Variants in NIN observed in about 807,000 individuals in gnomAD.
NIN encodes the protein ninein, also known as glycogen synthase kinase 3 beta-interacting protein.
Under a neutral mutation model 257.6 loss-of-function variants are expected in NIN, and 137 were observed. The ratio of observed to expected loss-of-function variants is 0.53; its 90% CI spans 0.46 to 0.61. NIN has a LOEUF of 0.61. Ranked by LOEUF, NIN falls within the 20% of genes least tolerant of loss-of-function variation. NIN has a pLI of 0.00. For missense variants in NIN, 2,439 were observed against 2,501.2 expected (o/e 0.98, Z 0.53); for synonymous variants, 918 against 919.8 (o/e 1.00, Z 0.04).
In NIN at chr14:50,761,137, T is replaced by G. The variant is rs189928341; in HGVS notation, c.1896+653A>C. Among the ~76,000 whole-genome samples the G allele has an allele frequency of 1.8e-4, 28 of 151,694 alleles. No homozygotes were observed. In the East Asian group the frequency reaches 5.4e-3, roughly 29 times the overall value. On this transcript the variant is annotated intron_variant, in intron 16 of 30. Coordinates refer to ENST00000530997, the MANE Select transcript of NIN (RefSeq NM_020921.4). ...ACAGTAGGAGGCAGAAAATAAAAGG[T>G]ATACAAAAAAGAGCTACAATGTAAC...
At chr14:50,734,927 T>C (rs1315028607) in intron 28 of NIN, among the ~76,000 whole-genome samples, 1 of 151,524 alleles carries the variant, frequency 6.6e-6, no homozygotes, top group Admixed American at 6.6e-5. Flanking sequence ...CTCAAGCCAT[T>C]TGACTGCCTC....
At chr14:50,808,306 G>A (rs1272384641) in intron 3 of NIN, among the ~76,000 whole-genome samples, 5 of 152,176 alleles carry the variant, frequency 3.3e-5, no homozygotes, top group Non-Finnish European at 5.9e-5. Flanking sequence ...GTTAACATGC[G>A]CAAGGCCAGC....
chr14:50,792,972 C>A, intron 4 of NIN, 91 bp from the exon 5 acceptor site: 1 of 1,327,030 alleles, frequency 7.5e-7, no homozygotes, highest in Non-Finnish European at 1.1e-6. Context: ...CCTCTTATAC[C>A]AACCTCAAAA....
intron 14 of NIN, among the ~76,000 whole-genome samples, chr14:50,764,373 G>T (rs1205054085): frequency 1.3e-5 from 2 of 152,316 alleles, no homozygotes; most frequent in Non-Finnish European, 2.9e-5. Context: ...TGTTGGTGAA[G>T]AAGTGGAGCA....
intron 2 of NIN, among the ~76,000 whole-genome samples, chr14:50,826,922 T>C (rs1280402661): frequency 1.3e-5 from 2 of 152,294 alleles, no homozygotes; most frequent in East Asian, 3.9e-4. Context: ...TGTGCAGACA[T>C]AGCTGTTGGG....
Position 50,828,367 on chromosome 14 carries a change from G to A in NIN, c.-22+2097C>T, listed in dbSNP as rs1227389286. Among the ~76,000 whole-genome samples the A allele has an allele frequency of 1.3e-5, 2 of 152,196 alleles. 1 individual carries two copies. The highest frequency in any genetic ancestry group is 2.9e-5 in the Non-Finnish European group (2 of 68,040). ...CTGACTTAAATTGCAATAAAGAAGT[G>A]TCCTAATTTCAAACAAGGATGCTCA... On this transcript the variant is annotated intron_variant, in intron 2 of 30. Coordinates refer to ENST00000530997, the MANE Select transcript of NIN (RefSeq NM_020921.4).
At chr14:50,817,259 T>C (rs1431915263) in intron 3 of NIN, among the ~76,000 whole-genome samples, 1 of 152,202 alleles carries the variant, frequency 6.6e-6, no homozygotes, top group Non-Finnish European at 1.5e-5. Flanking sequence ...TGGCAGTTAA[T>C]ATTGAATGTA....
chr14:50,784,913 A>G (rs548381994), intron 5 of NIN, among the ~76,000 whole-genome samples: 2 of 152,268 alleles, frequency 1.3e-5, no homozygotes, highest in South Asian at 4.2e-4. Flanking sequence ...CTTCCTCATT[A>G]CTATGCCAGT....
intron 5 of NIN, among the ~76,000 whole-genome samples, chr14:50,781,527 T>A (rs1289360706): frequency 6.6e-6 from 1 of 152,368 alleles, no homozygotes; most frequent in East Asian, 1.9e-4. Flanking sequence ...TGGGTGCCTA[T>A]GTCTGATTCA....
intron 5 of NIN, 77 bp from the exon 6 acceptor site, chr14:50,778,881 T>C: frequency 6.9e-7 from 1 of 1,444,656 alleles, no homozygotes; most frequent in Non-Finnish European, 9.7e-7. Context: ...CTAGAGCAGA[T>C]CACTCTCTGG....
intron 28 of NIN, among the ~76,000 whole-genome samples, chr14:50,732,895 T>C (rs2040789773): frequency 6.6e-6 from 1 of 150,862 alleles, no homozygotes; most frequent in African/African-American, 2.4e-5. Context: ...GCCCGGCCAA[T>C]AACACTGTTT....
At chr14:50,821,300 A>G (rs906825530) in intron 3 of NIN, among the ~76,000 whole-genome samples, 1 of 152,244 alleles carries the variant, frequency 6.6e-6, no homozygotes, top group Non-Finnish European at 1.5e-5. Flanking sequence ...TGGTAATAAC[A>G]TGACTATTTG....
chr14:50,795,145 C>A (rs1031698079), intron 4 of NIN, among the ~76,000 whole-genome samples: 3 of 152,118 alleles, frequency 2.0e-5, no homozygotes, highest in Non-Finnish European at 4.4e-5. Context: ...AACTATGTAA[C>A]CTTTTTGGAA....
intron 7 of NIN, among the ~76,000 whole-genome samples, chr14:50,775,281 C>T (rs538020490): frequency 1.9e-4 from 29 of 152,120 alleles, no homozygotes; most frequent in African/African-American, 5.8e-4. Context: ...GGGCCAGATT[C>T]GGCATCGGGC....
intron 5 of NIN, among the ~76,000 whole-genome samples, chr14:50,779,689 C>T (rs1306146012): frequency 6.6e-6 from 1 of 151,214 alleles, no homozygotes; most frequent in Non-Finnish European, 1.5e-5. Context: ...ACCCGGGAGG[C>T]GGAGCTTGCA....
intron 30 of NIN, chr14:50,724,149 C>T: frequency 5.2e-6 from 1 of 192,236 alleles, no homozygotes; most frequent in East Asian, 8.4e-5. Flanking sequence ...TGGGCAGTTA[C>T]TTCTCCTGAA....
At position 50,752,623 on chromosome 14, in the gene NIN, T is replaced by C; in HGVS notation, c.4845A>G (p.Thr1615=). The part of the protein sequence containing the change: ...EKLQELNQRL[T]EMLCQKEKEP... ...CTTTTTCCTTCTGGCATAGCATTTC[T>C]GTTAGACGTTGATTAAGTTCTTGCA... Residue 1615 remains threonine, a synonymous_variant, in exon 21 of 31, where the codon ACA becomes ACG. Coordinates refer to ENST00000530997, the MANE Select transcript of NIN (RefSeq NM_020921.4). The C allele has an allele frequency of 2.0e-5, 33 of 1,614,036 alleles. No individual in the cohort carries two copies. Among genetic ancestry groups the C allele is most frequent in the Non-Finnish European group, 2.7e-5 (32 of 1,179,894 alleles).
Position 50,811,617 on chromosome 14 carries a change from T to A in NIN, c.184-4799A>T, listed in dbSNP as rs1355015439. Among the ~76,000 whole-genome samples, 3 of 148,386 alleles carry A rather than the reference T, an allele frequency of 2.0e-5. No homozygotes were observed. The East Asian group carries it at 6.0e-4, about 30-fold the overall frequency. On this transcript the variant is annotated intron_variant, in intron 3 of 30. Transcript: ENST00000530997. ...AAGATCCAGGTATTAAACAATTTTA[T>A]GGGCTTTTGCAGTGGCTCACACCTG...
intron 18 of NIN, among the ~76,000 whole-genome samples, chr14:50,755,795 G>C (rs1404091425): frequency 6.6e-6 from 1 of 151,662 alleles, no homozygotes; most frequent in African/African-American, 2.4e-5. Flanking sequence ...CTCCCAAGTA[G>C]CTGGGACCAC....
Sources: gnomAD v4.1 joint callset for allele counts (sites outside exome capture counted in the v4.1 genomes callset) on GRCh38, gnomAD v4.1.1 for gene constraint, MANE v1.5 for transcripts, NCBI Gene and HGNC (gene_info 2026-07-23, HGNC 2026-07-21) for gene names.